Variants in NAV3 observed in about 807,000 individuals in gnomAD.
NAV3 encodes pore membrane and/or filament interacting like protein 1.
A neutral mutation model predicts 244.7 loss-of-function variants in NAV3; 87 were observed. The observed-to-expected ratio is 0.36, with a 90% CI of 0.30 to 0.42. The LOEUF (loss-of-function observed/expected upper bound fraction) is 0.42. NAV3 is among the 20% of genes least tolerant of loss of function. NAV3 has a pLI of 1.00. For synonymous variants in NAV3, 1,126 were observed against 1,042.2 expected, an observed-to-expected ratio of 1.08 and a Z score of -1.55; for missense variants, 2,663 against 2,893.3, an observed-to-expected ratio of 0.92 and a Z score of 1.83.
intron 2 of NAV3, among the ~76,000 whole-genome samples, chr12:77,812,349 AT>A (rs1334548468): frequency 6.6e-6 from 1 of 151,964 alleles, no homozygotes; most frequent in East Asian, 1.9e-4. Context: ...TTTCATTATC[AT>A]TTCAGAGATC....
chr12:77,862,591 C>T (rs993795842), intron 1 of NAV3, among the ~76,000 whole-genome samples: 2 of 151,768 alleles, frequency 1.3e-5, no homozygotes, highest in Non-Finnish European at 3.0e-5. Flanking sequence ...ATAATCCTTT[C>T]TGTAACCCTT....
intron 8 of NAV3, among the ~76,000 whole-genome samples, chr12:78,012,422 G>A (rs1731759): frequency 0.59 from 89,548 of 151,576 alleles, 26,702 homozygotes; most frequent in East Asian, 0.67. Context: ...CATCTATTAG[G>A]TTTCCATTAC....
rs751912763 is a variant in NAV3 at position 78,189,985 on chromosome 12, G to A, written c.6057G>A (p.Gly2019=). 3 of 1,610,122 alleles carry A rather than the reference G, an allele frequency of 1.9e-6. No homozygotes were observed. Among genetic ancestry groups the A allele is most frequent in the Admixed American group, 1.7e-5 (1 of 59,828 alleles). ...DNNIITVNLK[G]VEENSLDSFV... is the part of the protein sequence containing the mutation. ...CTATTTTTTTGTTTCTTCTTTCAGG[G>A]GTAGAAGAAAATAGTTTGGACAGTT... Residue 2019 remains glycine (G), a splice_region_variant and synonymous_variant, in exon 34 of 40, where the codon GGG becomes GGA. Transcript: ENST00000397909.
intron 2 of NAV3, among the ~76,000 whole-genome samples, chr12:77,779,802 A>G (rs1467638145): frequency 6.6e-6 from 1 of 152,172 alleles, no homozygotes; most frequent in Non-Finnish European, 1.5e-5. Context: ...GAGAAGCAGG[A>G]GAGGCCTGGG....
chr12:77,910,951 C>T (rs1886522045), intron 1 of NAV3, among the ~76,000 whole-genome samples: 2 of 152,068 alleles, frequency 1.3e-5, no homozygotes, highest in African/African-American at 4.8e-5. Context: ...TAGAGACAAA[C>T]AACAATGGAC....
intron 3 of NAV3, among the ~76,000 whole-genome samples, chr12:77,962,693 G>A (rs1223788949): frequency 1.3e-5 from 2 of 152,126 alleles, no homozygotes; most frequent in Admixed American, 6.6e-5. Flanking sequence ...TCTTAGGGCA[G>A]TGTTTTACAT....
At chr12:78,139,138 A>G (rs1956499556) in intron 19 of NAV3, among the ~76,000 whole-genome samples, 1 of 152,130 alleles carries the variant, frequency 6.6e-6, no homozygotes, top group Non-Finnish European at 1.5e-5. Context: ...CATTTTGCAC[A>G]TTACATAGAG....
chr12:78,090,096 G>A (rs910450742), intron 12 of NAV3, among the ~76,000 whole-genome samples: 1 of 151,568 alleles, frequency 6.6e-6, no homozygotes, highest in Non-Finnish European at 1.5e-5. Flanking sequence ...TCTCCAGTAT[G>A]CCCTGCATCA....
chr12:78,198,559 A>G, intron 35 of NAV3, 46 bp from the exon 36 acceptor site: 1 of 1,109,120 alleles, frequency 9.0e-7, no homozygotes, highest in Non-Finnish European at 1.3e-6. Context: ...TGAATTAATC[A>G]CTTTTACCTC....
At chr12:77,780,261 T>C (rs1830908959) in intron 2 of NAV3, among the ~76,000 whole-genome samples, 1 of 152,248 alleles carries the variant, frequency 6.6e-6, no homozygotes, top group Admixed American at 6.5e-5. Flanking sequence ...TGGAGCACTT[T>C]TGTACCCCTT....
At chr12:78,164,334 A>G (rs1957690372) in intron 23 of NAV3, among the ~76,000 whole-genome samples, 1 of 152,070 alleles carries the variant, frequency 6.6e-6, no homozygotes, top group Admixed American at 6.6e-5. Context: ...GCTAACCATA[A>G]AGCCTAGTAG....
exon 2 of NAV3, chr12:77,572,111 C>T (rs1372948814): frequency 6.5e-6 from 1 of 154,316 alleles, no homozygotes; most frequent in Non-Finnish European, 1.5e-5. Flanking sequence ...CGTGGCGGGC[C>T]AGTGTGTTCC....
chr12:77,837,739 G>A (rs567937732), intron 1 of NAV3, among the ~76,000 whole-genome samples: 2 of 152,308 alleles, frequency 1.3e-5, no homozygotes, highest in South Asian at 4.1e-4. Context: ...TAATAGTAGG[G>A]TTTGTTTTAG....
intron 2 of NAV3, among the ~76,000 whole-genome samples, chr12:77,678,322 G>A (rs1181366068): frequency 6.6e-6 from 1 of 151,804 alleles, no homozygotes; most frequent in Non-Finnish European, 1.5e-5. Context: ...ATTGACTGTT[G>A]TTTTTTTTAA....
At chr12:77,745,598 A>G (rs1425109997) in intron 2 of NAV3, among the ~76,000 whole-genome samples, 1 of 152,064 alleles carries the variant, frequency 6.6e-6, no homozygotes, top group Non-Finnish European at 1.5e-5. Flanking sequence ...TGCTTAGTAA[A>G]TACTCCTTGA....
chr12:77,916,697 C>T (rs1592991854), intron 1 of NAV3, among the ~76,000 whole-genome samples: 1 of 151,998 alleles, frequency 6.6e-6, no homozygotes, highest in Non-Finnish European at 1.5e-5. Flanking sequence ...CGTTTTTCGT[C>T]AGACTTTTGA....
intron 2 of NAV3, among the ~76,000 whole-genome samples, chr12:77,627,577 A>G (rs1871692913): frequency 6.6e-6 from 1 of 152,192 alleles, no homozygotes; most frequent in Non-Finnish European, 1.5e-5. Flanking sequence ...AAAACTAAAC[A>G]GACCAATACT....
intron 2 of NAV3, among the ~76,000 whole-genome samples, chr12:77,781,123 A>G (rs1284245935): frequency 6.6e-6 from 1 of 152,182 alleles, no homozygotes; most frequent in Admixed American, 6.5e-5. Context: ...GCTGCAATGA[A>G]GGTGTTGACC....
At chr12:78,114,612 T>C (rs12809581) in intron 12 of NAV3, among the ~76,000 whole-genome samples, 21,613 of 152,050 alleles carry the variant, frequency 0.14, 1,816 homozygotes, top group Admixed American at 0.27. Context: ...GGTAACCATG[T>C]CCATGATTCC....
Sources: allele counts gnomAD v4.1 joint callset (sites outside exome capture counted in the v4.1 genomes callset), GRCh38; gene constraint gnomAD v4.1.1; transcripts MANE v1.5; gene names NCBI Gene and HGNC (gene_info 2026-07-23, HGNC 2026-07-21).